SORCS2: variants seen among roughly 807,000 people sequenced by gnomAD.
The protein encoded by SORCS2 is sortilin related VPS10 domain containing receptor 2.
A neutral mutation model predicts 141.6 loss-of-function variants in SORCS2; 100 were observed. That is an observed-to-expected ratio of 0.71 (90% CI 0.60 to 0.83). The LOEUF is 0.83. SORCS2 is among the 40% of genes least tolerant of loss of function. The pLI, the probability that SORCS2 is intolerant of heterozygous loss-of-function variation, is 0.00. For missense variants in SORCS2, 1,646 were observed against 1,560.2 expected (o/e 1.05, Z -0.93); for synonymous variants, 789 against 676.9 (o/e 1.17, Z -2.57).
chr4:7,320,865 ATTCCTCCC>A (rs1213331488), intron 1 of SORCS2, among the ~76,000 whole-genome samples: 85 of 149,224 alleles, frequency 5.7e-4, no homozygotes, highest in African/African-American at 2.0e-3. Context: ...CCCTTCCTCC[ATTCCTCCC>A]TTCCTCCCTT....
chr4:7,611,106 C>T lies in SORCS2; in HGVS notation c.649-27222C>T, dbSNP rs544289945. On this transcript the variant is annotated intron_variant, in intron 3 of 26. Coordinates refer to ENST00000507866, the MANE Select transcript of SORCS2 (RefSeq NM_020777.3). The stretch of plus-strand genomic sequence containing the variant: ...CCCAGCACCCACACGTCTACATGGG[C>T]GCCCACTGCAGCTACTGAGGCTGTG... Among the ~76,000 whole-genome samples the T allele has an allele frequency of 2.0e-5, 3 of 152,286 alleles. No individual in the cohort carries two copies. In the East Asian group the frequency reaches 5.8e-4, roughly 29 times the overall value.
rs556643267 is a variant in SORCS2, at chr4:7,193,219, C to T, written c.480+93C>T. The T allele has an allele frequency of 7.7e-7, 1 of 1,305,566 alleles. No individual in the cohort carries two copies. Among genetic ancestry groups the T allele is most frequent in the African/African-American group, 1.5e-5 (1 of 65,136 alleles). 80.9% of individuals were successfully genotyped at this position (1,305,566 alleles called of 1,614,324 possible). A position where few individuals can be genotyped will look rare whatever the true frequency, so the allele number is the denominator to read the frequency against. ...CCACGGCCCCCACCCCAGATCCCCACTATGGTCATCAGGGGCGGGTTCTTG... is the reference window on the plus strand; with the variant it reads ...CCACGGCCCCCACCCCAGATCCCCATTATGGTCATCAGGGGCGGGTTCTTG... On this transcript the variant is annotated intron_variant, in intron 1 of 26. Coordinates refer to ENST00000507866, the MANE Select transcript of SORCS2 (RefSeq NM_020777.3). The surrounding 1 kb of genome is among the most constrained non-coding windows in gnomAD (Gnocchi z 4.8).
At chr4:7,526,986 A>T (rs1052663749) in intron 2 of SORCS2, among the ~76,000 whole-genome samples, 3 of 152,220 alleles carry the variant, frequency 2.0e-5, no homozygotes, top group Non-Finnish European at 4.4e-5. Context: ...TGTATATTTC[A>T]TAGTCCCAGG....
At chr4:7,516,780 C>G (rs1200295828) in intron 2 of SORCS2, among the ~76,000 whole-genome samples, 1 of 152,216 alleles carries the variant, frequency 6.6e-6, no homozygotes, top group Non-Finnish European at 1.5e-5. Flanking sequence ...ATGGTCCTAG[C>G]TGCCGTTGAA....
At chr4:7,418,258 C>A (rs1725823197) in intron 2 of SORCS2, among the ~76,000 whole-genome samples, 1 of 152,158 alleles carries the variant, frequency 6.6e-6, no homozygotes, top group African/African-American at 2.4e-5. Flanking sequence ...GGGAGGCAGA[C>A]AAGTCACTGG....
intron 4 of SORCS2, among the ~76,000 whole-genome samples, chr4:7,653,931 C>G (rs1302983929): frequency 6.6e-6 from 1 of 152,214 alleles, no homozygotes; most frequent in Non-Finnish European, 1.5e-5. Context: ...CTCCTGCCAG[C>G]TGGCCCGGGG....
chr4:7,316,287 T>A (rs1260105770), intron 1 of SORCS2, among the ~76,000 whole-genome samples: 2 of 152,174 alleles, frequency 1.3e-5, no homozygotes, highest in African/African-American at 4.8e-5. Context: ...TCCATTCATG[T>A]ATCCATCCAA....
chr4:7,276,329 G>A (rs912244903), intron 1 of SORCS2, among the ~76,000 whole-genome samples: 3 of 152,148 alleles, frequency 2.0e-5, no homozygotes, highest in Non-Finnish European at 2.9e-5. Flanking sequence ...TGCCTGGAGT[G>A]CGGGAGGCCT....
rs539721165 is a variant in SORCS2, at chr4:7,685,818, G to A, written c.1488+2929G>A. ...GCCACTCACAGCACCTCCTGACTGT[G>A]TCCCTCCTGCAGCCACACAGCCTCT... On this transcript the variant is annotated intron_variant, in intron 10 of 26. Transcript: ENST00000507866. 3.5e-4 allele frequency among the ~76,000 whole-genome samples: 54 copies of A among 152,300 alleles called. 1 individual carries two copies. In the South Asian group the frequency reaches 0.011, roughly 31 times the overall value.
At chr4:7,265,956 C>G (rs113949486) in intron 1 of SORCS2, among the ~76,000 whole-genome samples, 1 of 152,258 alleles carries the variant, frequency 6.6e-6, no homozygotes, top group African/African-American at 2.4e-5. Flanking sequence ...AAACAGCCTC[C>G]GGCTCATCCT....
chr4:7,655,914 A>T (rs1370633945), intron 5 of SORCS2, among the ~76,000 whole-genome samples: 1 of 152,180 alleles, frequency 6.6e-6, no homozygotes. Flanking sequence ...AATTGGCGAT[A>T]ATTCAAACGT....
chr4:7,413,318 A>G (rs1725446078), intron 2 of SORCS2, among the ~76,000 whole-genome samples: 1 of 149,882 alleles, frequency 6.7e-6, no homozygotes, highest in Non-Finnish European at 1.5e-5. Context: ...TATGTACGTG[A>G]TTTATAAATT....
At chr4:7,256,592 T>C (rs1713888795) in intron 1 of SORCS2, among the ~76,000 whole-genome samples, 1 of 151,426 alleles carries the variant, frequency 6.6e-6, no homozygotes, top group South Asian at 2.1e-4. Context: ...AGAGCTGAAC[T>C]GGAAATGGAT....
At chr4:7,565,660 GTGATGATGC>G (rs1482922229) in intron 3 of SORCS2, among the ~76,000 whole-genome samples, 1 of 149,060 alleles carries the variant, frequency 6.7e-6, no homozygotes, top group Non-Finnish European at 1.5e-5. Flanking sequence ...TGGTGATGAT[GTGATGATGC>G]TGATGATGTG....
chr4:7,579,158 A>G (rs1715973023), intron 3 of SORCS2, among the ~76,000 whole-genome samples: 1 of 152,204 alleles, frequency 6.6e-6, no homozygotes, highest in Non-Finnish European at 1.5e-5. Flanking sequence ...CCTAGGCTAT[A>G]TCACATACTT....
chr4:7,528,592 A>G (rs1324659414), intron 2 of SORCS2, among the ~76,000 whole-genome samples: 1 of 151,722 alleles, frequency 6.6e-6, no homozygotes, highest in Non-Finnish European at 1.5e-5. Context: ...CGCCCGGCCA[A>G]TTTTTGTATT....
intron 2 of SORCS2, among the ~76,000 whole-genome samples, chr4:7,437,053 C>A (rs186861886): frequency 6.6e-6 from 1 of 152,164 alleles, no homozygotes; most frequent in Non-Finnish European, 1.5e-5. Flanking sequence ...CCGATTCTTA[C>A]AGACGCCAAC....
intron 2 of SORCS2, among the ~76,000 whole-genome samples, chr4:7,402,605 G>C (rs767659797): frequency 9.9e-5 from 15 of 152,146 alleles, no homozygotes; most frequent in Admixed American, 3.3e-4. Context: ...GGGCTGCAGC[G>C]AGCACCTGTG....
At position 7,337,199 on chromosome 4, in the gene SORCS2, C is replaced by T. The variant is rs112271050; in HGVS notation, c.481-59089C>T. On this transcript the variant is annotated intron_variant, in intron 1 of 26. Transcript: ENST00000507866. ...TTTTAGAGTGAATCCATTCACTGAT[C>T]CCTGCGTTCATTTACTCATGACGAT... 6.4e-4 allele frequency among the ~76,000 whole-genome samples: 98 copies of T among 152,258 alleles called. 2 individuals carry two copies. Among genetic ancestry groups the T allele is most frequent in the African/African-American group, 2.3e-3 (96 of 41,552 alleles).
Sources: allele counts gnomAD v4.1 joint callset (sites outside exome capture counted in the v4.1 genomes callset), GRCh38; gene constraint gnomAD v4.1.1; non-coding constraint Gnocchi (gnomAD v3.1); transcripts MANE v1.5; gene names NCBI Gene and HGNC (gene_info 2026-07-23, HGNC 2026-07-21).